The following RBFOX1 variants were observed in gnomAD, a reference collection of about 807,000 sequenced individuals.
RBFOX1 encodes the protein RNA binding fox-1 homolog 1, also known as RNA binding protein fox-1 homolog 1.
In RBFOX1, 8 loss-of-function variants were observed where a neutral mutation model predicts 57.7. The ratio of observed to expected loss-of-function variants is 0.14; its 90% confidence interval spans 0.08 to 0.25. RBFOX1 has a LOEUF of 0.25. Among genes scored for constraint, RBFOX1 ranks in the 10% least tolerant of loss-of-function variants. The pLI is 1.00. For synonymous variants in RBFOX1, 326 were observed against 222.4 expected, an observed-to-expected ratio of 1.47 and a Z score of -4.15; for missense variants, 611 against 548.5, an observed-to-expected ratio of 1.11 and a Z score of -1.14.
chr16:7,406,956 T>C (rs2098352884), intron 4 of RBFOX1, among the ~76,000 whole-genome samples: 1 of 152,212 alleles, frequency 6.6e-6, no homozygotes, highest in African/African-American at 2.4e-5. Context: ...TCTCTCTGTC[T>C]CTGCCTCTGC....
At chr16:5,497,288 T>C (rs2043031236) in intron 2 of RBFOX1, among the ~76,000 whole-genome samples, 1 of 151,960 alleles carries the variant, frequency 6.6e-6, no homozygotes, top group Admixed American at 6.6e-5. Flanking sequence ...AGCACTTCTC[T>C]CATCATGCTG....
At chr16:6,499,578 A>G (rs532828728) in intron 2 of RBFOX1, among the ~76,000 whole-genome samples, 1 of 152,046 alleles carries the variant, frequency 6.6e-6, no homozygotes, top group Non-Finnish European at 1.5e-5. Context: ...TCCAAGACAG[A>G]GTCTTGTAAT....
intron 4 of RBFOX1, among the ~76,000 whole-genome samples, chr16:7,337,148 T>C (rs1160309571): frequency 2.6e-5 from 4 of 152,142 alleles, no homozygotes; most frequent in African/African-American, 9.7e-5. Flanking sequence ...TAGACAAAGC[T>C]AGGTAGCCCA....
chr16:5,510,558 C>A (rs76663960), intron 2 of RBFOX1, among the ~76,000 whole-genome samples: 3,787 of 152,106 alleles, frequency 0.025, 114 homozygotes, highest in African/African-American at 0.068. Flanking sequence ...GGGAAGAGCA[C>A]CCTTCCTGGA....
chr16:7,687,566 A>G (rs2076327986), intron 14 of RBFOX1, among the ~76,000 whole-genome samples: 1 of 152,042 alleles, frequency 6.6e-6, no homozygotes, highest in Non-Finnish European at 1.5e-5. Context: ...ATTATGTTTA[A>G]TATTCAGAAA....
intron 2 of RBFOX1, among the ~76,000 whole-genome samples, chr16:6,529,307 A>C (rs1318927050): frequency 6.6e-6 from 1 of 152,146 alleles, no homozygotes; most frequent in East Asian, 1.9e-4. Context: ...TCATGCCTGT[A>C]ATCCCAGCAG....
chr16:7,557,351 G>T lies in RBFOX1; in HGVS notation c.271-22426G>T, dbSNP rs560126653. 2.4e-4 allele frequency among the ~76,000 whole-genome samples: 37 copies of T among 152,212 alleles called. No homozygotes were observed. The South Asian group carries it at 7.5e-3, about 31-fold the overall frequency. ...AAAACAAAAAACAGCCGGGTGTGGT[G>T]GCTTTCACCTGTAATCCCAGCACTT... On this transcript the variant is annotated intron_variant, in intron 5 of 15. Coordinates refer to ENST00000550418, the MANE Select transcript of RBFOX1 (RefSeq NM_018723.4).
At chr16:7,633,790 T>G (rs982149362) in intron 11 of RBFOX1, among the ~76,000 whole-genome samples, 10 of 152,204 alleles carry the variant, frequency 6.6e-5, no homozygotes, top group Non-Finnish European at 1.3e-4. Context: ...GAATGTTAAG[T>G]TTATCCGCAA....
intron 3 of RBFOX1, among the ~76,000 whole-genome samples, chr16:6,803,385 C>T (rs887073165): frequency 3.9e-5 from 6 of 152,128 alleles, no homozygotes; most frequent in African/African-American, 1.4e-4. Context: ...TCTGCAGGCA[C>T]AATCTGGAAA....
upstream of RBFOX1, among the ~76,000 whole-genome samples, chr16:6,018,230 G>A (rs1472540791): frequency 1.7e-5 from 1 of 58,312 alleles, no homozygotes; most frequent in Non-Finnish European, 3.1e-5. Context: ...GGGAGGGAAA[G>A]GAAAAGGTAG....
chr16:6,267,381 C>A (rs750778806), intron 1 of RBFOX1, among the ~76,000 whole-genome samples: 8 of 152,204 alleles, frequency 5.3e-5, no homozygotes, highest in Non-Finnish European at 1.2e-4. Flanking sequence ...ATTTCACTAT[C>A]TCCTATGTGT....
In RBFOX1 at chr16:6,795,793, A is replaced by G. The variant is rs1264874765; in HGVS notation, c.-16+141143A>G. 5.3e-5 allele frequency among the ~76,000 whole-genome samples: 8 copies of G among 150,722 alleles called. No homozygotes were observed. The South Asian group carries it at 1.5e-3, about 28-fold the overall frequency. The stretch of plus-strand genomic sequence containing the variant: ...AATAAAAAATGAAAAAAAAAAAAAG[A>G]TAGTCATCGTTGCTTTCTTTTATTT... On this transcript the variant is annotated intron_variant, in intron 3 of 15. Transcript: ENST00000550418.
At chr16:5,356,518 A>T (rs1463270354) in intron 1 of RBFOX1, among the ~76,000 whole-genome samples, 1 of 152,196 alleles carries the variant, frequency 6.6e-6, no homozygotes. Flanking sequence ...CTTTGGGGGA[A>T]AGGATAGACT....
chr16:6,372,289 G>A (rs2152895656), intron 2 of RBFOX1, among the ~76,000 whole-genome samples: 1 of 152,058 alleles, frequency 6.6e-6, no homozygotes, highest in South Asian at 2.1e-4. Context: ...TGGAAGGATA[G>A]TTGGTTAGGA....
intron 3 of RBFOX1, among the ~76,000 whole-genome samples, chr16:6,968,383 C>G (rs1407359817): frequency 6.6e-6 from 1 of 152,194 alleles, no homozygotes; most frequent in African/African-American, 2.4e-5. Context: ...CCTCCTTCAT[C>G]AGGCATTTTA....
intron 9 of RBFOX1, among the ~76,000 whole-genome samples, chr16:7,604,387 C>T (rs1384620154): frequency 1.3e-5 from 2 of 152,218 alleles, no homozygotes; most frequent in African/African-American, 4.8e-5. Flanking sequence ...TTGCAGCACA[C>T]AGATTCCCAG....
chr16:6,767,512 G>GT (rs2077506273), intron 3 of RBFOX1, among the ~76,000 whole-genome samples: 1 of 152,106 alleles, frequency 6.6e-6, no homozygotes, highest in African/African-American at 2.4e-5. Context: ...TTGAGCCAGT[G>GT]TTTTAATTTA....
intron 7 of RBFOX1, among the ~76,000 whole-genome samples, chr16:7,590,266 C>G (rs2094372688): frequency 6.6e-6 from 1 of 151,448 alleles, no homozygotes; most frequent in Admixed American, 6.6e-5. Context: ...GTCCTTATCT[C>G]AGAACAAGTA....
At chr16:6,732,185 C>A (rs1001234337) in intron 3 of RBFOX1, among the ~76,000 whole-genome samples, 9 of 152,192 alleles carry the variant, frequency 5.9e-5, no homozygotes, top group Non-Finnish European at 4.4e-5. Context: ...CAAAGATTGA[C>A]TTTCCCTGCT....
Sources: gnomAD v4.1 joint callset for allele counts (sites outside exome capture counted in the v4.1 genomes callset) on GRCh38, gnomAD v4.1.1 for gene constraint, MANE v1.5 for transcripts, NCBI Gene and HGNC (gene_info 2026-07-23, HGNC 2026-07-21) for gene names.